Variants in SSPN observed in about 807,000 individuals in gnomAD.
SSPN encodes K-ras oncogene-associated protein.
SSPN carries 15 observed loss-of-function variants against 19.1 expected under a neutral mutation model. The observed-to-expected ratio is 0.78, with a 90% CI of 0.52 to 1.21. The LOEUF (loss-of-function observed/expected upper bound fraction) is 1.21. Among genes scored for constraint, SSPN ranks in the 50% most tolerant of loss-of-function variants. The probability of loss-of-function intolerance (pLI) is 0.00; values close to 1 mark genes in which losing one functional copy is unlikely to be tolerated. For synonymous variants in SSPN, 147 were observed against 140.3 expected (o/e 1.05, Z -0.34); for missense variants, 291 against 314.0 (o/e 0.93, Z 0.55).
chr12:26,224,549 G>T (rs1198940789), intron 2 of SSPN, among the ~76,000 whole-genome samples, 170 bp downstream of exon 2: 1 of 152,120 alleles, frequency 6.6e-6, no homozygotes, highest in Non-Finnish European at 1.5e-5. Context: ...CAAAGGTAAT[G>T]CTGATTTTTT....
At chr12:26,184,108 G>A (rs1028114580) in intron 1 of SSPN, among the ~76,000 whole-genome samples, 10 of 152,180 alleles carry the variant, frequency 6.6e-5, no homozygotes, top group African/African-American at 2.4e-4. Context: ...ACAGTCACTT[G>A]TGAGGGGTGG....
At chr12:26,174,042 C>G in intron 1 of SSPN, among the ~76,000 whole-genome samples, 1 of 152,122 alleles carries the variant, frequency 6.6e-6, no homozygotes, top group South Asian at 2.1e-4. Flanking sequence ...GGAAGGCAAG[C>G]TTGCCTGGCT....
chr12:26,144,112 A>G (rs982278133), intron 1 of SSPN, among the ~76,000 whole-genome samples: 2 of 152,216 alleles, frequency 1.3e-5, no homozygotes, highest in Non-Finnish European at 2.9e-5. Flanking sequence ...ATGCACTTGA[A>G]TCATCCTGAA....
chr12:26,182,204 G>A (rs1003463349), intron 1 of SSPN, among the ~76,000 whole-genome samples: 6 of 152,288 alleles, frequency 3.9e-5, no homozygotes, highest in Admixed American at 3.3e-4. Context: ...CACTGGAGTC[G>A]TTACTCACTC....
chr12:26,152,888 T>C (rs1408858425), intron 1 of SSPN, among the ~76,000 whole-genome samples: 1 of 152,228 alleles, frequency 6.6e-6, no homozygotes, highest in African/African-American at 2.4e-5. Context: ...ATCTTGCCAT[T>C]GTCTGACTTA....
At chr12:26,202,500 T>A (rs946983936) in intron 1 of SSPN, among the ~76,000 whole-genome samples, 1 of 152,232 alleles carries the variant, frequency 6.6e-6, no homozygotes, top group African/African-American at 2.4e-5. Flanking sequence ...CTAACTAGAA[T>A]AGGACATATT....
chr12:26,137,202 T>C (rs886193638), intron 1 of SSPN, among the ~76,000 whole-genome samples: 13 of 152,326 alleles, frequency 8.5e-5, no homozygotes, highest in East Asian at 1.9e-4. Context: ...AAGTAATTTG[T>C]CCATGTCACA....
chr12:26,168,743 A>C (rs1944636056), intron 1 of SSPN, among the ~76,000 whole-genome samples: 1 of 152,208 alleles, frequency 6.6e-6, no homozygotes, highest in Admixed American at 6.5e-5. Flanking sequence ...GAGAGCCAAG[A>C]GGAAAACACG....
intron 1 of SSPN, among the ~76,000 whole-genome samples, chr12:26,210,727 G>GT (rs1212314919): frequency 6.6e-6 from 1 of 151,942 alleles, no homozygotes; most frequent in Non-Finnish European, 1.5e-5. Flanking sequence ...TGGGCTAATT[G>GT]TTTTTTCATT....
At chr12:26,151,876 C>T (rs1215412576) in intron 1 of SSPN, among the ~76,000 whole-genome samples, 1 of 152,134 alleles carries the variant, frequency 6.6e-6, no homozygotes, top group Non-Finnish European at 1.5e-5. Flanking sequence ...AACAAAGCAA[C>T]TAGAATTTTT....
intron 1 of SSPN, among the ~76,000 whole-genome samples, chr12:26,202,480 A>G (rs534078812): frequency 1.3e-5 from 2 of 152,340 alleles, no homozygotes; most frequent in Non-Finnish European, 2.9e-5. Context: ...TTTGACTTAT[A>G]TGCACTCTCC....
intron 1 of SSPN, among the ~76,000 whole-genome samples, chr12:26,155,824 G>A (rs933668399): frequency 6.6e-6 from 1 of 152,162 alleles, no homozygotes; most frequent in Non-Finnish European, 1.5e-5. Flanking sequence ...CAACCTGTGC[G>A]GTGAGCCCTG....
chr12:26,148,255 G>C (rs1214405160), intron 1 of SSPN, among the ~76,000 whole-genome samples: 1 of 152,128 alleles, frequency 6.6e-6, no homozygotes, highest in African/African-American at 2.4e-5. Flanking sequence ...GGCTATTTTG[G>C]GGTGACTAGC....
intron 1 of SSPN, among the ~76,000 whole-genome samples, chr12:26,222,503 G>C (rs4963973): frequency 0.2 from 30,279 of 152,166 alleles, 3,951 homozygotes; most frequent in Admixed American, 0.35. Flanking sequence ...GCTGGCCCTG[G>C]GGTAGGAACT....
chr12:26,136,771 C>G (rs758474287), intron 1 of SSPN, among the ~76,000 whole-genome samples: 13 of 152,150 alleles, frequency 8.5e-5, no homozygotes, highest in Non-Finnish European at 1.6e-4. Context: ...GTTAAGAGTC[C>G]ATGGTACTTC....
intron 1 of SSPN, among the ~76,000 whole-genome samples, chr12:26,166,975 A>G (rs1372589782): frequency 6.6e-6 from 1 of 152,264 alleles, no homozygotes; most frequent in African/African-American, 2.4e-5. Context: ...ATATTTTTGA[A>G]TCAATTTTGG....
intron 1 of SSPN, among the ~76,000 whole-genome samples, chr12:26,177,536 C>T (rs1466466): frequency 0.98 from 148,753 of 152,310 alleles, 72,728 homozygotes; most frequent in East Asian, 1. Flanking sequence ...CTGCCCCACC[C>T]GTAGCTTCCC....
chr12:26,134,580 C>T (rs982539991), intron 1 of SSPN, among the ~76,000 whole-genome samples: 2 of 152,232 alleles, frequency 1.3e-5, no homozygotes, highest in Non-Finnish European at 2.9e-5. Context: ...AAATGTGCTC[C>T]ACCAAATCAT....
chr12:26,123,741 T>C, intron 1 of SSPN: 1 of 1,606,886 alleles, frequency 6.2e-7, no homozygotes, highest in East Asian at 2.2e-5. Context: ...TGTCCCAGAG[T>C]CTGCAGTGGT....
Sources: gnomAD v4.1 joint callset for allele counts (sites outside exome capture counted in the v4.1 genomes callset) on GRCh38, gnomAD v4.1.1 for gene constraint, MANE v1.5 for transcripts, NCBI Gene and HGNC (gene_info 2026-07-23, HGNC 2026-07-21) for gene names.